The following IGFBPL1 variants were observed in gnomAD, a reference collection of about 807,000 sequenced individuals.
IGFBPL1 encodes insulin like growth factor binding protein like 1.
Under a neutral mutation model 23.9 loss-of-function variants are expected in IGFBPL1, and 20 were observed. That is an observed-to-expected ratio of 0.84 (90% CI 0.59 to 1.22). The LOEUF (loss-of-function observed/expected upper bound fraction) is 1.22, where lower values mean the gene tolerates loss of function less well. Ranked by LOEUF, IGFBPL1 falls within the 50% of genes most tolerant of loss-of-function variation. The pLI, the probability that IGFBPL1 is intolerant of heterozygous loss-of-function variation, is 0.00. For missense variants in IGFBPL1, 436 were observed against 379.3 expected (o/e 1.15, Z -1.24); for synonymous variants, 184 against 171.8 (o/e 1.07, Z -0.56).
At chr9:38,418,087 C>A (rs1270611865) in intron 1 of IGFBPL1, among the ~76,000 whole-genome samples, 2 of 152,190 alleles carry the variant, frequency 1.3e-5, no homozygotes, top group African/African-American at 4.8e-5. Flanking sequence ...CCAAACATCA[C>A]CCCCAGGGAA....
At chr9:38,421,038 A>C (rs1417289501) in intron 1 of IGFBPL1, among the ~76,000 whole-genome samples, 1 of 152,082 alleles carries the variant, frequency 6.6e-6, no homozygotes, top group Non-Finnish European at 1.5e-5. Flanking sequence ...CATGTCTGTA[A>C]TTTCAGCACT....
At chr9:38,419,233 T>TA (rs1347226687) in intron 1 of IGFBPL1, among the ~76,000 whole-genome samples, 1 of 151,986 alleles carries the variant, frequency 6.6e-6, no homozygotes, top group Non-Finnish European at 1.5e-5. Flanking sequence ...CTGCTTGTAT[T>TA]AAAAAGCACA....
rs778277225 is a variant in IGFBPL1 at position 38,424,070 on chromosome 9, C to A, written c.355G>T (p.Gly119Cys). Residue 119 changes from glycine (G) to cysteine (C), a missense_variant, in exon 1 of 5, where the codon GGT becomes TGT. Coordinates refer to ENST00000377694, the MANE Select transcript of IGFBPL1 (RefSeq NM_001007563.3). The stretch of plus-strand genomic sequence containing the variant: ...GCGCAGACGCTGGGGTACGAGCGAC[C>A]GTCGGAGCCGCAGACGGTGCCGCGC... The part of the protein sequence containing the change: ...AQRGTVCGSD[G>C]RSYPSVCALR... The A allele has an allele frequency of 2.1e-6, 3 of 1,396,502 alleles. No homozygotes were observed. Among genetic ancestry groups the A allele is most frequent in the East Asian group, 6.2e-5 (2 of 32,506 alleles). The allele number at this position is 1,396,502 out of a possible 1,614,324, so 86.5% of individuals were successfully genotyped here.
At chr9:38,419,317 A>G (rs1479926113) in intron 1 of IGFBPL1, among the ~76,000 whole-genome samples, 1 of 152,184 alleles carries the variant, frequency 6.6e-6, no homozygotes, top group African/African-American at 2.4e-5. Flanking sequence ...TATGATGTGG[A>G]ACAAGAAACA....
chr9:38,424,167 GCCACAGCGCCCGCCGGCGCGGCCC>G lies in IGFBPL1; in HGVS notation c.234_257del (p.Gly79_Gly86del), dbSNP rs1239192814. The G allele has an allele frequency of 8.5e-7, 1 of 1,180,690 alleles. No homozygotes were observed. The highest frequency in any genetic ancestry group is 1.6e-5 in the African/African-American group (1 of 62,074). 73.1% of individuals were successfully genotyped at this position (1,180,690 alleles called of 1,614,324 possible). On this transcript the variant is annotated inframe_deletion, in exon 1 of 5. Transcript: ENST00000377694. ...CCTGGCTCGCGCATACCAGGCCGGGGCCACAGCGCCCGCCGGCGCGGCCCCCGCAGCTCGCGCCCTCGGCTCCCA... is the reference window on the plus strand; with the variant it reads ...CCTGGCTCGCGCATACCAGGCCGGGGCCGCAGCTCGCGCCCTCGGCTCCCA...
At chr9:38,410,431 C>T (rs923803698) in intron 4 of IGFBPL1, among the ~76,000 whole-genome samples, 1 of 149,272 alleles carries the variant, frequency 6.7e-6, no homozygotes, top group East Asian at 2.0e-4. Flanking sequence ...TGCAGTGAGC[C>T]GAGATCGCAC....
At chr9:38,419,902 TTC>T (rs1310150248) in intron 1 of IGFBPL1, among the ~76,000 whole-genome samples, 39 of 151,552 alleles carry the variant, frequency 2.6e-4, no homozygotes, top group Admixed American at 3.9e-4. Context: ...CTTCTTCTTC[TTC>T]TTTTTAGACA....
intron 1 of IGFBPL1, among the ~76,000 whole-genome samples, chr9:38,415,168 G>A (rs1821583594): frequency 6.6e-6 from 1 of 152,202 alleles, no homozygotes; most frequent in Non-Finnish European, 1.5e-5. Flanking sequence ...TCTAACCATG[G>A]AATGAGTGAA....
Position 38,406,680 on chromosome 9 carries a change from T to C in IGFBPL1, c.*2547A>G, listed in dbSNP as rs1393535745. ...ACAGCTGTGGCAGCGCATGCTCTCT[T>C]AGCCTCTGAAGAGGTCTCTGGGCGC... On this transcript the variant is annotated 3_prime_UTR_variant, in exon 5 of 5. Coordinates refer to ENST00000377694, the MANE Select transcript of IGFBPL1 (RefSeq NM_001007563.3). 3.9e-5 allele frequency among the ~76,000 whole-genome samples: 6 copies of C among 152,194 alleles called. No individual in the cohort carries two copies. In the South Asian group the frequency reaches 6.2e-4, roughly 16 times the overall value.
intron 1 of IGFBPL1, among the ~76,000 whole-genome samples, chr9:38,418,621 C>T (rs1006063918): frequency 3.9e-5 from 6 of 152,164 alleles, no homozygotes; most frequent in Admixed American, 2.0e-4. Flanking sequence ...CAGGGCTTTC[C>T]TTTCTGCCTG....
Position 38,424,163 on chromosome 9 carries a change from C to G in IGFBPL1, c.262G>C (p.Gly88Arg), listed in dbSNP as rs1563921705. 30 of 1,189,462 alleles carry G rather than the reference C, an allele frequency of 2.5e-5. No individual in the cohort carries two copies. Among genetic ancestry groups the G allele is most frequent in the Non-Finnish European group, 3.0e-5 (29 of 961,972 alleles). 73.7% of individuals were successfully genotyped at this position (1,189,462 alleles called of 1,614,324 possible). ...GGRAGGRCGP[G>R]LVCASQAAGA... Reference sequence around the variant, plus strand: ...GCGGCCTGGCTCGCGCATACCAGGCCGGGGCCACAGCGCCCGCCGGCGCGG... The same window carrying G: ...GCGGCCTGGCTCGCGCATACCAGGCGGGGGCCACAGCGCCCGCCGGCGCGG... The change falls in exon 1 of 5, where the codon GGC becomes CGC. Residue 88 changes from glycine (G) to arginine (R), a missense_variant. Physicochemically the swap from Gly to Arg is moderately radical, Grantham distance 125. Coordinates refer to ENST00000377694, the MANE Select transcript of IGFBPL1 (RefSeq NM_001007563.3).
rs536422436 is a variant in IGFBPL1 at position 38,423,998 on chromosome 9, G to A, written c.427C>T (p.Leu143=). The A allele has an allele frequency of 2.6e-4, 370 of 1,410,428 alleles. No individual in the cohort carries two copies. The highest frequency in any genetic ancestry group is 3.2e-4 in the Non-Finnish European group (355 of 1,092,512). The allele number at this position is 1,410,428 out of a possible 1,614,324, so 87.4% of individuals were successfully genotyped here. ...CAAGGGCCGTCGCGCGCCTTGTGCAGGTGACCGGGGTGCGCGCGGGGCGTG... is the reference window on the plus strand; with the variant it reads ...CAAGGGCCGTCGCGCGCCTTGTGCAAGTGACCGGGGTGCGCGCGGGGCGTG... ...RHTPRAHPGH[L]HKARDGPCEF... Residue 143 remains leucine, a synonymous_variant, in exon 1 of 5, where the codon CTG becomes TTG. Coordinates refer to ENST00000377694, the MANE Select transcript of IGFBPL1 (RefSeq NM_001007563.3).
intron 1 of IGFBPL1, among the ~76,000 whole-genome samples, chr9:38,418,618 T>C (rs1821631713): frequency 6.6e-6 from 1 of 152,170 alleles, no homozygotes; most frequent in Non-Finnish European, 1.5e-5. Context: ...AACCAGGGCT[T>C]TCCTTTCTGC....
intron 2 of IGFBPL1, 131 bp from the exon 3 acceptor site, chr9:38,413,484 T>A: frequency 1.6e-6 from 1 of 620,284 alleles, no homozygotes; most frequent in Non-Finnish European, 2.9e-6. Flanking sequence ...CTAGCACTGC[T>A]CATGCCTATG....
intron 1 of IGFBPL1, among the ~76,000 whole-genome samples, chr9:38,419,098 C>T (rs941948401): frequency 6.6e-6 from 1 of 151,998 alleles, no homozygotes; most frequent in African/African-American, 2.4e-5. Context: ...TGTCCCCCTA[C>T]CTCGTCAATT....
At chr9:38,422,163 G>C (rs1221636775) in intron 1 of IGFBPL1, among the ~76,000 whole-genome samples, 2 of 152,214 alleles carry the variant, frequency 1.3e-5, no homozygotes, top group African/African-American at 4.8e-5. Context: ...TGTGCCAAAA[G>C]AGCACTGGAC....
At chr9:38,411,873 AC>A (rs1322247187) in intron 3 of IGFBPL1, among the ~76,000 whole-genome samples, 2 of 152,256 alleles carry the variant, frequency 1.3e-5, no homozygotes, top group Non-Finnish European at 2.9e-5. Flanking sequence ...TAAAAGAAGA[AC>A]AAAAATCTAC....
At position 38,407,471 on chromosome 9, in the gene IGFBPL1, C is replaced by T. The variant is rs1402605764; in HGVS notation, c.*1756G>A. ...GGTGATGCCATCCCAATATATTAGA[C>T]ATGGAATGGCAGGCTTACAGGCGGA... On this transcript the variant is annotated 3_prime_UTR_variant, in exon 5 of 5. Coordinates refer to ENST00000377694, the MANE Select transcript of IGFBPL1 (RefSeq NM_001007563.3). Among the ~76,000 whole-genome samples the T allele has an allele frequency of 6.6e-6, 1 of 152,192 alleles. No homozygotes were observed. Among genetic ancestry groups the T allele is most frequent in the Non-Finnish European group, 1.5e-5 (1 of 68,038 alleles).
At chr9:38,412,088 G>A (rs766836296) in intron 3 of IGFBPL1, among the ~76,000 whole-genome samples, 6 of 152,206 alleles carry the variant, frequency 3.9e-5, no homozygotes, top group Non-Finnish European at 5.9e-5. Context: ...TGGGTGGAAT[G>A]AGGAGGTTGT....
Sources: allele counts gnomAD v4.1 joint callset (sites outside exome capture counted in the v4.1 genomes callset), GRCh38; gene constraint gnomAD v4.1.1; transcripts MANE v1.5; gene names NCBI Gene and HGNC (gene_info 2026-07-23, HGNC 2026-07-21).